The following TRMT11 variants were observed in gnomAD, a reference collection of about 807,000 sequenced individuals.
The protein encoded by TRMT11 is tRNA methyltransferase 11.
In TRMT11, 53 loss-of-function variants were observed where a neutral mutation model predicts 62.8. That is an observed-to-expected ratio of 0.84 (90% confidence interval 0.68 to 1.06). The LOEUF is 1.06. Ranked by LOEUF, TRMT11 falls within the 50% of genes least tolerant of loss-of-function variation. TRMT11 has a pLI of 0.00. For missense variants in TRMT11, 556 were observed against 553.4 expected (o/e 1.00, Z -0.05); for synonymous variants, 188 against 190.3 (o/e 0.99, Z 0.10).
At chr6:126,145,753 T>C (rs762662846) in intron 21 of TRMT11, among the ~76,000 whole-genome samples, 8 of 152,224 alleles carry the variant, frequency 5.3e-5, no homozygotes, top group Non-Finnish European at 1.2e-4. Context: ...TTTTATGTTT[T>C]GTATAATTGG....
intron 21 of TRMT11, among the ~76,000 whole-genome samples, chr6:126,159,377 T>C (rs1355176036): frequency 6.6e-6 from 1 of 152,166 alleles, no homozygotes; most frequent in Non-Finnish European, 1.5e-5. Flanking sequence ...AAACTAGCCA[T>C]AGACAATGCG....
chr6:126,180,486 A>G (rs948161343), intron 1 of TRMT11, among the ~76,000 whole-genome samples: 1 of 152,174 alleles, frequency 6.6e-6, no homozygotes, highest in Non-Finnish European at 1.5e-5. Context: ...GGCCAGGAAA[A>G]TTTATGCAGG....
chr6:126,032,105 T>A (rs970719978), intron 12 of TRMT11, among the ~76,000 whole-genome samples: 1 of 152,088 alleles, frequency 6.6e-6, no homozygotes, highest in African/African-American at 2.4e-5. Flanking sequence ...TTCTTGTATA[T>A]GTTTTTATTC....
intron 1 of TRMT11, among the ~76,000 whole-genome samples, chr6:126,189,607 C>G (rs1012298170): frequency 3.3e-5 from 5 of 152,054 alleles, no homozygotes; most frequent in African/African-American, 4.8e-5. Flanking sequence ...GGTTTCAATT[C>G]CTGTTATGGC....
intron 7 of TRMT11, among the ~76,000 whole-genome samples, chr6:126,002,049 G>C (rs1792583354): frequency 6.6e-6 from 1 of 151,646 alleles, no homozygotes; most frequent in Non-Finnish European, 1.5e-5. Flanking sequence ...TTTTTTCTTT[G>C]GAGTACTTCC....
Position 126,012,955 on chromosome 6 carries a change from C to A in TRMT11, c.1008-15C>A, listed in dbSNP as rs1794447185. 1.2e-6 allele frequency: 2 copies of A among 1,607,818 alleles called. No individual in the cohort carries two copies. Among genetic ancestry groups the A allele is most frequent in the Admixed American group, 1.7e-5 (1 of 58,810 alleles). ...AATTTTTCACTGATTTTGAAATTTTCTTTTCTTTGTGTAGTCCAGAAAGCC... is the reference window on the plus strand; with the variant it reads ...AATTTTTCACTGATTTTGAAATTTTATTTTCTTTGTGTAGTCCAGAAAGCC... On this transcript the variant is annotated splice_polypyrimidine_tract_variant and intron_variant, in intron 10 of 12. Transcript: ENST00000334379.
At chr6:126,127,694 C>T (rs1296759020) in intron 21 of TRMT11, among the ~76,000 whole-genome samples, 3 of 145,040 alleles carry the variant, frequency 2.1e-5, no homozygotes, top group Admixed American at 6.9e-5. Context: ...GTGATGTTCC[C>T]CTTCCTGTGT....
intron 21 of TRMT11, among the ~76,000 whole-genome samples, chr6:126,126,983 T>C (rs1777726145): frequency 6.6e-6 from 1 of 152,122 alleles, no homozygotes; most frequent in Admixed American, 6.5e-5. Context: ...CTATTGCCCT[T>C]GTATTTTGCC....
intron 1 of TRMT11, among the ~76,000 whole-genome samples, chr6:126,182,897 C>T (rs536631421): frequency 6.6e-6 from 1 of 152,078 alleles, no homozygotes; most frequent in African/African-American, 2.4e-5. Flanking sequence ...TGGCTGCACC[C>T]ACTGATAATA....
intron 21 of TRMT11, among the ~76,000 whole-genome samples, chr6:126,155,987 A>G (rs1778117230): frequency 6.6e-6 from 1 of 152,052 alleles, no homozygotes; most frequent in African/African-American, 2.4e-5. Flanking sequence ...CAGCCTCCCA[A>G]AGTGCTGGGA....
intron 17 of TRMT11, among the ~76,000 whole-genome samples, chr6:126,055,630 G>A (rs1413295041): frequency 6.6e-6 from 1 of 152,174 alleles, no homozygotes; most frequent in African/African-American, 2.4e-5. Context: ...AGATTGGGAA[G>A]GGCAGAGAGG....
At chr6:126,267,565 GATTA>G in the TRMT11 span, among the ~76,000 whole-genome samples, 1 of 152,162 alleles carries the variant, frequency 6.6e-6, no homozygotes, top group East Asian at 1.9e-4. Flanking sequence ...TAATGCTTAG[GATTA>G]ATTAATTTAC....
chr6:126,052,039 A>G (rs557259324), intron 16 of TRMT11, among the ~76,000 whole-genome samples: 69 of 152,344 alleles, frequency 4.5e-4, no homozygotes, highest in African/African-American at 1.6e-3. Flanking sequence ...AATACTCTTG[A>G]GACTGGATCA....
intron 17 of TRMT11, among the ~76,000 whole-genome samples, chr6:126,063,935 A>T (rs975180840): frequency 2.0e-5 from 3 of 152,178 alleles, no homozygotes; most frequent in African/African-American, 7.2e-5. Context: ...GGATCAAAAC[A>T]GGGAAGTGGG....
chr6:126,185,483 T>C (rs1258936379), intron 1 of TRMT11, among the ~76,000 whole-genome samples: 3 of 152,198 alleles, frequency 2.0e-5, no homozygotes, highest in Non-Finnish European at 4.4e-5. Flanking sequence ...CTGTGTATTC[T>C]AAGGAGAGGT....
chr6:126,251,974 C>G, the TRMT11 span, among the ~76,000 whole-genome samples: 1 of 152,184 alleles, frequency 6.6e-6, no homozygotes, highest in Non-Finnish European at 1.5e-5. Context: ...CCACATTAGG[C>G]TTTCGATAAA....
chr6:126,222,424 T>C, the TRMT11 span, among the ~76,000 whole-genome samples: 5 of 152,222 alleles, frequency 3.3e-5, no homozygotes, highest in African/African-American at 1.2e-4. Context: ...ATGTTAACAA[T>C]ATTGATTTTT....
intron 21 of TRMT11, among the ~76,000 whole-genome samples, chr6:126,146,449 G>A (rs1001715195): frequency 3.9e-5 from 6 of 151,978 alleles, no homozygotes; most frequent in Admixed American, 3.3e-4. Context: ...CTGTAGTTTG[G>A]TTCCTTGATA....
downstream of TRMT11, among the ~76,000 whole-genome samples, chr6:126,041,235 T>C (rs570420063): frequency 6.6e-6 from 1 of 152,254 alleles, no homozygotes; most frequent in Admixed American, 6.5e-5. Context: ...AAGTAGAGTA[T>C]GTGTTAACAT....
Sources: gnomAD v4.1 joint callset for allele counts (sites outside exome capture counted in the v4.1 genomes callset) on GRCh38, gnomAD v4.1.1 for gene constraint, MANE v1.5 for transcripts, NCBI Gene and HGNC (gene_info 2026-07-23, HGNC 2026-07-21) for gene names.